Variants in VTI1A observed in about 807,000 individuals in gnomAD.
VTI1A encodes the protein vesicle transport through interaction with t-SNAREs homolog 1A.
A neutral mutation model predicts 34.9 loss-of-function variants in VTI1A; 22 were observed. The ratio of observed to expected loss-of-function variants is 0.63; its 90% CI spans 0.45 to 0.90. The LOEUF (loss-of-function observed/expected upper bound fraction) is 0.90, where lower values mean the gene tolerates loss of function less well. Ranked by LOEUF, VTI1A falls within the 40% of genes least tolerant of loss-of-function variation. VTI1A has a pLI of 0.00. For synonymous variants in VTI1A, 87 were observed against 97.3 expected, an observed-to-expected ratio of 0.89 and a Z score of 0.62; for missense variants, 268 against 275.6, an observed-to-expected ratio of 0.97 and a Z score of 0.20.
intron 7 of VTI1A, chr10:112,752,609 G>A: frequency 4.1e-6 from 4 of 984,414 alleles, no homozygotes; most frequent in Non-Finnish European, 4.8e-6. Flanking sequence ...TTCTGCTGTG[G>A]CTGCCAGGGT....
the VTI1A span, among the ~76,000 whole-genome samples, chr10:112,830,264 C>G: frequency 1.3e-5 from 2 of 152,016 alleles, no homozygotes; most frequent in Non-Finnish European, 2.9e-5. Context: ...GCCCGTCCAG[C>G]CTTGCATGAC....
intron 7 of VTI1A, among the ~76,000 whole-genome samples, chr10:112,678,741 G>A (rs1352409553): frequency 6.6e-6 from 1 of 152,214 alleles, no homozygotes; most frequent in Non-Finnish European, 1.5e-5. Flanking sequence ...CATGCACAGT[G>A]CAGGTGGTCG....
chr10:112,644,090 A>G (rs927992529), intron 5 of VTI1A, among the ~76,000 whole-genome samples: 2 of 152,210 alleles, frequency 1.3e-5, no homozygotes, highest in African/African-American at 4.8e-5. Flanking sequence ...GATGCACTGC[A>G]AAGTATGTGC....
chr10:112,586,513 C>G (rs1256761294), intron 5 of VTI1A, among the ~76,000 whole-genome samples: 1 of 152,138 alleles, frequency 6.6e-6, no homozygotes, highest in Non-Finnish European at 1.5e-5. Context: ...TCAACAGAGA[C>G]CCACTAGTTT....
intron 1 of VTI1A, 53 bp downstream of exon 1, chr10:112,447,520 G>T (rs1310979135): frequency 6.3e-7 from 1 of 1,590,972 alleles, no homozygotes; most frequent in Non-Finnish European, 8.6e-7. Flanking sequence ...GGGAGGGTGC[G>T]GGCGGTGGAA....
chr10:112,739,568 C>T (rs1264774204), intron 7 of VTI1A, among the ~76,000 whole-genome samples: 1 of 152,222 alleles, frequency 6.6e-6, no homozygotes, highest in African/African-American at 2.4e-5. Context: ...ATCAAAATAA[C>T]AAGCGATGTC....
chr10:112,531,662 G>C (rs1302528361), intron 4 of VTI1A, among the ~76,000 whole-genome samples: 1 of 152,136 alleles, frequency 6.6e-6, no homozygotes, highest in Non-Finnish European at 1.5e-5. Flanking sequence ...GATTATGGCA[G>C]GGTGGCATGC....
At chr10:112,696,033 C>T (rs903281567) in intron 7 of VTI1A, among the ~76,000 whole-genome samples, 3 of 151,430 alleles carry the variant, frequency 2.0e-5, no homozygotes, top group Admixed American at 6.6e-5. Flanking sequence ...TACAATGCCT[C>T]CAATGTATTT....
chr10:112,687,394 C>T (rs1848454413), intron 7 of VTI1A, among the ~76,000 whole-genome samples: 1 of 151,416 alleles, frequency 6.6e-6, no homozygotes, highest in South Asian at 2.1e-4. Flanking sequence ...CCACCACGCC[C>T]GGCTAATTTT....
chr10:112,459,773 C>T (rs1223822281), intron 1 of VTI1A, among the ~76,000 whole-genome samples: 9 of 152,182 alleles, frequency 5.9e-5, no homozygotes, highest in Non-Finnish European at 1.3e-4. Context: ...GGACATGTCT[C>T]TCCTAGAGAA....
intron 5 of VTI1A, among the ~76,000 whole-genome samples, chr10:112,659,263 A>G (rs574784813): frequency 2.0e-5 from 3 of 152,312 alleles, no homozygotes; most frequent in African/African-American, 2.4e-5. Context: ...TTGCCCATTC[A>G]GGTTTTCTGC....
At position 112,723,457 on chromosome 10, in the gene VTI1A, A is replaced by G. The variant is rs372018611; in HGVS notation, c.560+54459A>G. On this transcript the variant is annotated intron_variant, in intron 7 of 7. Transcript: ENST00000393077. ...TTTTCCATCGAGCACTTGATTCTAC[A>G]TTAAGATCAGGCCATAGCTCTGCAA... Among the ~76,000 whole-genome samples the G allele has an allele frequency of 5.3e-5, 8 of 152,214 alleles. No individual in the cohort carries two copies. In the East Asian group the frequency reaches 9.6e-4, roughly 18 times the overall value.
At chr10:112,749,320 A>C (rs538801848) in intron 7 of VTI1A, among the ~76,000 whole-genome samples, 51 of 152,204 alleles carry the variant, frequency 3.4e-4, no homozygotes, top group Non-Finnish European at 6.5e-4. Context: ...CTTTGTCCTC[A>C]CAAGACTTTC....
intron 1 of VTI1A, among the ~76,000 whole-genome samples, chr10:112,453,995 T>C (rs970621534): frequency 6.6e-6 from 1 of 152,250 alleles, no homozygotes; most frequent in Non-Finnish European, 1.5e-5. Flanking sequence ...CATACTAGTA[T>C]CTCCAGCTCT....
At chr10:112,628,888 G>A (rs190789319) in intron 5 of VTI1A, among the ~76,000 whole-genome samples, 9 of 151,860 alleles carry the variant, frequency 5.9e-5, no homozygotes, top group African/African-American at 9.7e-5. Context: ...GCATACACGT[G>A]TGTCTACATT....
At chr10:112,692,290 A>G (rs1035509603) in intron 7 of VTI1A, among the ~76,000 whole-genome samples, 1 of 152,186 alleles carries the variant, frequency 6.6e-6, no homozygotes, top group Admixed American at 6.5e-5. Flanking sequence ...AGATTCTACA[A>G]TTCTACAAAT....
At chr10:112,521,813 T>A (rs539726949) in intron 3 of VTI1A, among the ~76,000 whole-genome samples, 28 of 152,078 alleles carry the variant, frequency 1.8e-4, no homozygotes, top group Non-Finnish European at 3.7e-4. Context: ...TGGAGAACAC[T>A]GTGATAAACA....
At chr10:112,707,203 A>G (rs1157418323) in intron 7 of VTI1A, among the ~76,000 whole-genome samples, 1 of 152,078 alleles carries the variant, frequency 6.6e-6, no homozygotes, top group Non-Finnish European at 1.5e-5. Context: ...TTTGTCACCT[A>G]GGCTGGAGTG....
At chr10:112,677,152 A>G (rs1009222528) in intron 7 of VTI1A, among the ~76,000 whole-genome samples, 2 of 152,188 alleles carry the variant, frequency 1.3e-5, no homozygotes, top group African/African-American at 2.4e-5. Flanking sequence ...CTGAGAATGG[A>G]TGAGGCATAG....
Sources: gnomAD v4.1 joint callset for allele counts (sites outside exome capture counted in the v4.1 genomes callset) on GRCh38, gnomAD v4.1.1 for gene constraint, MANE v1.5 for transcripts, NCBI Gene and HGNC (gene_info 2026-07-23, HGNC 2026-07-21) for gene names.